Variants in THOC5 observed in about 807,000 individuals in gnomAD.
THOC5 encodes the protein Fms-interacting protein.
Under a neutral mutation model 92.9 loss-of-function variants are expected in THOC5, and 43 were observed. That is an observed-to-expected ratio of 0.46 (90% CI 0.36 to 0.60). The LOEUF is 0.60. THOC5 is among the 20% of genes least tolerant of loss of function. The pLI is 0.00. For missense variants in THOC5, 659 were observed against 849.4 expected (o/e 0.78, Z 2.79); for synonymous variants, 296 against 320.1 (o/e 0.92, Z 0.80).
chr22:29,535,328 G>GA (rs748413783), intron 7 of THOC5: 146 of 135,286 alleles, frequency 1.1e-3, no homozygotes, highest in African/African-American at 1.0e-3. Context: ...TAAGGAAAAG[G>GA]AAAAAAAAAA....
At position 29,528,268 on chromosome 22, in the gene THOC5, T is replaced by G. The variant is rs184230619; in HGVS notation, c.967-91A>C. The stretch of plus-strand genomic sequence containing the variant: ...CCAGCCAGGCCTCAGCCCTACTGCC[T>G]GGCACCTGCTGCTTCAGCTAGCTGG... On this transcript the variant is annotated intron_variant, in intron 10 of 19. Transcript: ENST00000490103. 3.8e-5 allele frequency: 61 copies of G among 1,613,980 alleles called. 1 individual carries two copies. The highest frequency in any genetic ancestry group is 3.3e-4 in the Middle Eastern group (2 of 6,058).
intron 14 of THOC5, among the ~76,000 whole-genome samples, chr22:29,519,500 C>A (rs1317350092): frequency 2.0e-5 from 3 of 152,194 alleles, no homozygotes; most frequent in African/African-American, 7.2e-5. Context: ...GGCTACTAGG[C>A]TCAGAGAAAA....
chr22:29,508,258 T>C lies in THOC5; in HGVS notation c.*199A>G, dbSNP rs781189289. On this transcript the variant is annotated 3_prime_UTR_variant, in exon 20 of 20. Coordinates refer to ENST00000490103, the MANE Select transcript of THOC5 (RefSeq NM_003678.5). ...TCTCTACAAATGCTTTTTCACACTG[T>C]GTCACAGCTCCCACCTGCCCTTCCA... is the stretch of plus-strand genomic sequence containing the variant. 8.5e-5 allele frequency: 51 copies of C among 599,214 alleles called. No individual in the cohort carries two copies. The highest frequency in any genetic ancestry group is 8.9e-4 in the Middle Eastern group (2 of 2,250). The allele number at this position is 599,214 out of a possible 1,614,324, so 37.1% of individuals were successfully genotyped here.
At chr22:29,524,280 C>A (rs2063500749) in intron 12 of THOC5, among the ~76,000 whole-genome samples, 1 of 152,194 alleles carries the variant, frequency 6.6e-6, no homozygotes, top group Non-Finnish European at 1.5e-5. Flanking sequence ...CCTCATAGAG[C>A]TATTGTGAAA....
intron 1 of THOC5, chr22:29,550,765 C>CCA (rs2064126468): frequency 6.6e-6 from 1 of 152,170 alleles, no homozygotes; most frequent in Non-Finnish European, 1.5e-5. Context: ...AGGAGGCATT[C>CCA]CACTGGGGAA....
chr22:29,508,574 A>G, intron 19 of THOC5, 54 bp from the exon 20 acceptor site: 3 of 1,486,810 alleles, frequency 2.0e-6, no homozygotes, highest in Non-Finnish European at 1.9e-6. Context: ...GGCTGATAAA[A>G]TAAATTATGG....
rs550046915 is a variant in THOC5, at chr22:29,507,467, T to A, written c.*990A>T. ...ACCTCTGCCTCATGGGTTCAAGTAA[T>A]TCTGCCTCAGCCTCCTGAGTAACTG... On this transcript the variant is annotated 3_prime_UTR_variant, in exon 20 of 20. Coordinates refer to ENST00000490103, the MANE Select transcript of THOC5 (RefSeq NM_003678.5). 13 of 152,320 alleles carry A rather than the reference T, an allele frequency of 8.5e-5. No individual in the cohort carries two copies. The East Asian group carries it at 2.3e-3, about 27-fold the overall frequency. 9.4% of individuals were successfully genotyped at this position (152,320 alleles called of 1,614,324 possible).
chr22:29,527,856 G>A (rs545541884), intron 11 of THOC5, among the ~76,000 whole-genome samples: 5 of 152,300 alleles, frequency 3.3e-5, no homozygotes, highest in South Asian at 4.1e-4. Flanking sequence ...GTTTTCTCAA[G>A]CTTCTGCCTT....
chr22:29,546,504 A>G (rs2064023595), intron 2 of THOC5, among the ~76,000 whole-genome samples: 1 of 151,786 alleles, frequency 6.6e-6, no homozygotes, highest in African/African-American at 2.4e-5. Flanking sequence ...ATCTCAGTTC[A>G]CTGCAACCTC....
intron 12 of THOC5, among the ~76,000 whole-genome samples, chr22:29,525,250 TG>T (rs375819509): frequency 4.4e-4 from 67 of 152,240 alleles, no homozygotes; most frequent in African/African-American, 1.5e-3. Flanking sequence ...TCCTCCAGTC[TG>T]GGCAACATAG....
chr22:29,537,849 C>G (rs1601438288), intron 6 of THOC5, among the ~76,000 whole-genome samples: 1 of 152,200 alleles, frequency 6.6e-6, no homozygotes, highest in Middle Eastern at 3.4e-3. Context: ...CGAGATCACA[C>G]CATTGCATTC....
At position 29,543,029 on chromosome 22, in the gene THOC5, G is replaced by C. The variant is rs2063931840; in HGVS notation, c.355-73C>G. 4.6e-6 allele frequency: 5 copies of C among 1,094,788 alleles called. No homozygotes were observed. In the African/African-American group the frequency reaches 7.7e-5, roughly 17 times the overall value. 67.8% of individuals were successfully genotyped at this position (1,094,788 alleles called of 1,614,324 possible). Reference sequence around the variant, plus strand: ...GCAGAGGAGAGGGTCAGCAAACTAAGAGAAGGTGTAAAGGGAATAAAGAAG... The same window carrying C: ...GCAGAGGAGAGGGTCAGCAAACTAACAGAAGGTGTAAAGGGAATAAAGAAG... On this transcript the variant is annotated intron_variant, in intron 4 of 19. Coordinates refer to ENST00000490103, the MANE Select transcript of THOC5 (RefSeq NM_003678.5).
rs775277517 is a variant in THOC5 at position 29,528,093 on chromosome 22, C to T, written c.1051G>A (p.Asp351Asn). The change falls in exon 11 of 20, where the codon GAC (aspartate) becomes AAC (asparagine). Residue 351 changes from aspartate to asparagine, a missense_variant. By Grantham distance (23) the Asp-to-Asn change is conservative. Coordinates refer to ENST00000490103, the MANE Select transcript of THOC5 (RefSeq NM_003678.5). Reference protein sequence around the residue: ...LKRHPLSVMLDLKCKDDSVLH... With the variant: ...LKRHPLSVMLNLKCKDDSVLH... ...GCAACCAGACCTTTGCACTTCAGGT[C>T]GAGCATGACAGACAGTGGGTGCCTC... 51 of 1,614,044 alleles carry T rather than the reference C, an allele frequency of 3.2e-5. No homozygotes were observed. The highest frequency in any genetic ancestry group is 4.1e-5 in the Non-Finnish European group (48 of 1,180,040).
chr22:29,506,879 T>G lies in THOC5; in HGVS notation c.*1578A>C, dbSNP rs1391495596. The G allele has an allele frequency of 6.6e-6, 1 of 152,192 alleles. No individual in the cohort carries two copies. Among genetic ancestry groups the G allele is most frequent in the African/African-American group, 2.4e-5 (1 of 41,426 alleles). 9.4% of individuals were successfully genotyped at this position (152,192 alleles called of 1,614,324 possible). Reference sequence around the variant, plus strand: ...ATGCAGATTTCTTTTTTTAAAATTTTTTAGAGATAGGGACTCGCATTGTTT... The same window carrying G: ...ATGCAGATTTCTTTTTTTAAAATTTGTTAGAGATAGGGACTCGCATTGTTT... On this transcript the variant is annotated 3_prime_UTR_variant, in exon 20 of 20. Coordinates refer to ENST00000490103, the MANE Select transcript of THOC5 (RefSeq NM_003678.5).
chr22:29,539,157 C>T (rs1038883033), intron 6 of THOC5, among the ~76,000 whole-genome samples, 173 bp downstream of exon 6: 17 of 151,636 alleles, frequency 1.1e-4, no homozygotes, highest in Middle Eastern at 3.4e-3. Flanking sequence ...AACCCCAACC[C>T]CATCCATGAT....
intron 6 of THOC5, among the ~76,000 whole-genome samples, chr22:29,537,443 C>T (rs1051741854): frequency 6.6e-6 from 1 of 152,208 alleles, no homozygotes; most frequent in African/African-American, 2.4e-5. Context: ...GAGTTCGAGA[C>T]CAGCCTGGCC....
intron 2 of THOC5, among the ~76,000 whole-genome samples, chr22:29,547,249 T>A (rs562171329): frequency 1.5e-3 from 236 of 152,324 alleles, no homozygotes; most frequent in African/African-American, 5.2e-3. Flanking sequence ...CAGGGGCAAA[T>A]GTTTTCAGTC....
chr22:29,551,834 G>A (rs1398308337), intron 1 of THOC5, among the ~76,000 whole-genome samples: 3 of 116,514 alleles, frequency 2.6e-5, no homozygotes, highest in African/African-American at 6.9e-5. Context: ...CTCTGATGCC[G>A]AGCCGAAGCT....
chr22:29,529,368 C>CTG, intron 8 of THOC5, 129 bp from the exon 9 acceptor site: 1 of 894,976 alleles, frequency 1.1e-6, no homozygotes, highest in Non-Finnish European at 1.8e-6. Context: ...GGTGGAAGGG[C>CTG]AAAAGTCCTT....
Sources: gnomAD v4.1 joint callset for allele counts (sites outside exome capture counted in the v4.1 genomes callset) on GRCh38, gnomAD v4.1.1 for gene constraint, MANE v1.5 for transcripts, NCBI Gene and HGNC (gene_info 2026-07-23, HGNC 2026-07-21) for gene names.